Variants in SUGCT observed in about 807,000 individuals in gnomAD.
The protein encoded by SUGCT is succinyl-CoA:glutarate-CoA transferase.
A neutral mutation model predicts 55.0 loss-of-function variants in SUGCT; 41 were observed. That is an observed-to-expected ratio of 0.74 (90% CI 0.58 to 0.97). SUGCT has a LOEUF of 0.97. Ranked by LOEUF, SUGCT falls within the 50% of genes least tolerant of loss-of-function variation. The pLI is 0.00. For synonymous variants in SUGCT, 187 were observed against 200.4 expected, an observed-to-expected ratio of 0.93 and a Z score of 0.56; for missense variants, 568 against 547.8, an observed-to-expected ratio of 1.04 and a Z score of -0.37.
intron 12 of SUGCT, among the ~76,000 whole-genome samples, chr7:40,700,238 C>T (rs962310417): frequency 6.6e-6 from 1 of 152,154 alleles, no homozygotes; most frequent in Non-Finnish European, 1.5e-5. Flanking sequence ...GTGGAGCATA[C>T]ATTAACTGAG....
At chr7:40,512,990 C>A (rs1001590328) in intron 12 of SUGCT, among the ~76,000 whole-genome samples, 1 of 152,108 alleles carries the variant, frequency 6.6e-6, no homozygotes, top group East Asian at 1.9e-4. Context: ...TCTGCTGATC[C>A]TGAGTATCAA....
chr7:40,278,827 A>T (rs571578594), intron 8 of SUGCT, among the ~76,000 whole-genome samples: 115 of 46,986 alleles, frequency 2.4e-3, no homozygotes, highest in African/African-American at 9.5e-3. Context: ...CAGATCTTAC[A>T]TTTTTTTTTT....
At chr7:40,608,392 T>C (rs1383558738) in intron 12 of SUGCT, among the ~76,000 whole-genome samples, 1 of 152,220 alleles carries the variant, frequency 6.6e-6, no homozygotes, top group Non-Finnish European at 1.5e-5. Flanking sequence ...GTAACTTTGG[T>C]TGTCCAAACA....
At chr7:40,244,267 G>A (rs535027617) in intron 7 of SUGCT, among the ~76,000 whole-genome samples, 3 of 152,278 alleles carry the variant, frequency 2.0e-5, no homozygotes, top group African/African-American at 7.2e-5. Context: ...CATGGTGCCT[G>A]GAAAGATAGA....
At chr7:40,428,283 G>A (rs1787701987) in intron 9 of SUGCT, among the ~76,000 whole-genome samples, 1 of 152,086 alleles carries the variant, frequency 6.6e-6, no homozygotes, top group South Asian at 2.1e-4. Context: ...AAATGAATCT[G>A]TTGTAGACGG....
At chr7:40,561,033 G>A (rs1405014039) in intron 12 of SUGCT, among the ~76,000 whole-genome samples, 2 of 152,182 alleles carry the variant, frequency 1.3e-5, no homozygotes, top group African/African-American at 2.4e-5. Flanking sequence ...AAATTAAATG[G>A]TGATTATCAC....
chr7:41,003,280 T>G, the SUGCT span, among the ~76,000 whole-genome samples: 1 of 152,048 alleles, frequency 6.6e-6, no homozygotes, highest in Non-Finnish European at 1.5e-5. Flanking sequence ...ACCTTCAGAT[T>G]TAACTCAGAT....
intron 9 of SUGCT, among the ~76,000 whole-genome samples, chr7:40,414,963 A>G: frequency 6.7e-6 from 1 of 150,312 alleles, no homozygotes; most frequent in East Asian, 2.0e-4. Flanking sequence ...GAGAATTGCT[A>G]GAACTCTGGG....
downstream of SUGCT, among the ~76,000 whole-genome samples, chr7:40,865,211 G>C (rs1047372254): frequency 2.7e-5 from 4 of 150,850 alleles, no homozygotes; most frequent in African/African-American, 7.3e-5. Context: ...TCCACACACA[G>C]ACACGCACAC....
chr7:40,823,582 C>T (rs1482391719), intron 13 of SUGCT, among the ~76,000 whole-genome samples: 3 of 152,056 alleles, frequency 2.0e-5, no homozygotes, highest in African/African-American at 7.2e-5. Flanking sequence ...TTATTATAAA[C>T]AGTAGTTGGA....
intron 9 of SUGCT, among the ~76,000 whole-genome samples, chr7:40,320,658 T>A (rs12701815): frequency 1.3e-5 from 2 of 151,992 alleles, no homozygotes; most frequent in Non-Finnish European, 2.9e-5. Context: ...AACCTTCATT[T>A]CCATGTCCTC....
intron 12 of SUGCT, among the ~76,000 whole-genome samples, chr7:40,572,561 T>A (rs1796509874): frequency 6.6e-6 from 1 of 152,130 alleles, no homozygotes. Flanking sequence ...TGTATTAGAT[T>A]AATCTGTGTC....
At chr7:40,898,480 C>CGGGGGGG in the SUGCT span, among the ~76,000 whole-genome samples, 114 of 5,688 alleles carry the variant, frequency 0.02, 32 homozygotes, top group Non-Finnish European at 0.036. Context: ...TCCGGGAGGT[C>CGGGGGGG]GGGGGGGGGG....
chr7:40,596,591 A>G (rs943355055), intron 12 of SUGCT, among the ~76,000 whole-genome samples: 19 of 152,192 alleles, frequency 1.2e-4, no homozygotes, highest in Non-Finnish European at 2.1e-4. Context: ...TGAATGGGCC[A>G]CACACTATGT....
intron 12 of SUGCT, among the ~76,000 whole-genome samples, chr7:40,645,992 C>G (rs1403721943): frequency 6.6e-6 from 1 of 152,194 alleles, no homozygotes; most frequent in Non-Finnish European, 1.5e-5. Context: ...TCAGTTACCA[C>G]ATTTTCAAGA....
At chr7:40,471,421 A>C (rs1790397281) in intron 11 of SUGCT, among the ~76,000 whole-genome samples, 1 of 151,964 alleles carries the variant, frequency 6.6e-6, no homozygotes, top group South Asian at 2.1e-4. Flanking sequence ...CCAAATATGA[A>C]ATCAATGTAC....
chr7:40,329,835 A>T (rs538779727), intron 9 of SUGCT, among the ~76,000 whole-genome samples: 1 of 152,282 alleles, frequency 6.6e-6, no homozygotes, highest in African/African-American at 2.4e-5. Flanking sequence ...TTATTATTAG[A>T]TGATTTCCTC....
intron 1 of SUGCT, among the ~76,000 whole-genome samples, chr7:40,156,419 C>T (rs550973460): frequency 2.0e-5 from 3 of 152,150 alleles, no homozygotes; most frequent in East Asian, 2.0e-4. Flanking sequence ...ACCGAGATCA[C>T]GCTACTGCAC....
intron 1 of SUGCT, among the ~76,000 whole-genome samples, chr7:40,161,457 T>C (rs1226716982): frequency 6.6e-6 from 1 of 152,210 alleles, no homozygotes; most frequent in Non-Finnish European, 1.5e-5. Context: ...GCATATTTTT[T>C]TTGCTGTGAC....
Sources: gnomAD v4.1 joint callset for allele counts (sites outside exome capture counted in the v4.1 genomes callset) on GRCh38, gnomAD v4.1.1 for gene constraint, MANE v1.5 for transcripts, NCBI Gene and HGNC (gene_info 2026-07-23, HGNC 2026-07-21) for gene names.